TMEM255B: variants seen among roughly 807,000 people sequenced by gnomAD.
The protein encoded by TMEM255B is family with sequence similarity 70, member B.
In TMEM255B, 35 loss-of-function variants were observed where a neutral mutation model predicts 34.5. The ratio of observed to expected loss-of-function variants is 1.01; its 90% confidence interval spans 0.77 to 1.34. The LOEUF (loss-of-function observed/expected upper bound fraction) is 1.34. TMEM255B is among the 40% of genes most tolerant of loss of function. The pLI, the probability that TMEM255B is intolerant of heterozygous loss-of-function variation, is 0.00. For synonymous variants in TMEM255B, 206 were observed against 201.2 expected (o/e 1.02, Z -0.20); for missense variants, 432 against 433.2 (o/e 1.00, Z 0.02).
At chr13:113,782,082 C>T (rs1168633581) in intron 3 of TMEM255B, among the ~76,000 whole-genome samples, 3 of 152,144 alleles carry the variant, frequency 2.0e-5, no homozygotes, top group Admixed American at 2.0e-4. Context: ...TAATATTTGA[C>T]CTGCATAATT....
At position 113,770,019 on chromosome 13, in the gene TMEM255B, G is replaced by A. The variant is rs2050452464; in HGVS notation, c.252+859G>A. On this transcript the variant is annotated intron_variant, in intron 3 of 8. Coordinates refer to ENST00000375353, the MANE Select transcript of TMEM255B (RefSeq NM_182614.4). The surrounding 1 kb of genome is among the most constrained non-coding windows in gnomAD (Gnocchi z 4.6). Reference sequence around the variant, plus strand: ...CCCAGTTCCCAGGCCGAGAGGGAGGGTGAGATGGCTGGGCCGCGGTGTATG... The same window carrying A: ...CCCAGTTCCCAGGCCGAGAGGGAGGATGAGATGGCTGGGCCGCGGTGTATG... Among the ~76,000 whole-genome samples the A allele has an allele frequency of 6.6e-6, 1 of 152,152 alleles. No individual in the cohort carries two copies. The highest frequency in any genetic ancestry group is 2.4e-5 in the African/African-American group (1 of 41,440).
intron 5 of TMEM255B, chr13:113,800,074 G>A: frequency 4.2e-6 from 5 of 1,191,950 alleles, no homozygotes; most frequent in Non-Finnish European, 5.3e-6. Flanking sequence ...GTGTGTGTGT[G>A]TGTGTTTATG....
At chr13:113,764,561 G>A (rs2050358720) in intron 1 of TMEM255B, among the ~76,000 whole-genome samples, 1 of 152,192 alleles carries the variant, frequency 6.6e-6, no homozygotes, top group African/African-American at 2.4e-5. Context: ...CCCTCTGCCC[G>A]CTGCCTGTGG....
At chr13:113,800,299 C>CTGTGTG (rs1491395254) in intron 5 of TMEM255B, among the ~76,000 whole-genome samples, 8 of 62,716 alleles carry the variant, frequency 1.3e-4, no homozygotes, top group African/African-American at 5.5e-4. Context: ...GGGAGGCGTC[C>CTGTGTG]TCTGTGTGTG....
rs555291181 is a variant in TMEM255B at position 113,801,463 on chromosome 13, G to A, written c.510-190G>A. 2.0e-5 allele frequency among the ~76,000 whole-genome samples: 3 copies of A among 152,346 alleles called. No homozygotes were observed. The South Asian group carries it at 6.2e-4, about 32-fold the overall frequency. ...CTTTGCCACTGTGGGCCCCAGGTGG[G>A]GAGCCTCACAGGCCAATCCCATCAG... On this transcript the variant is annotated intron_variant, in intron 6 of 8. Transcript: ENST00000375353.
intron 3 of TMEM255B, among the ~76,000 whole-genome samples, chr13:113,793,839 C>T (rs112108259): frequency 0.038 from 5,782 of 152,276 alleles, 324 homozygotes; most frequent in African/African-American, 0.12. Context: ...GGACCCCCAG[C>T]GGGCCTGTGG....
At chr13:113,763,369 C>T (rs1242621647) in intron 1 of TMEM255B, among the ~76,000 whole-genome samples, 1 of 152,196 alleles carries the variant, frequency 6.6e-6, no homozygotes, top group Non-Finnish European at 1.5e-5. Context: ...AACGGAGTTT[C>T]ACCCACGGGA....
intron 3 of TMEM255B, among the ~76,000 whole-genome samples, chr13:113,782,029 A>T (rs921769132): frequency 6.6e-6 from 1 of 152,232 alleles, no homozygotes; most frequent in Non-Finnish European, 1.5e-5. Context: ...AACAATTTTT[A>T]AGTCAAAGAA....
intron 4 of TMEM255B, 87 bp downstream of exon 4, chr13:113,795,324 C>G: frequency 7.2e-7 from 1 of 1,387,378 alleles, no homozygotes; most frequent in Non-Finnish European, 9.9e-7. Flanking sequence ...TTGCAGATCT[C>G]AGCTCAGACG....
Position 113,769,560 on chromosome 13 carries a change from C to T in TMEM255B, c.252+400C>T, listed in dbSNP as rs371010008. Reference sequence around the variant, plus strand: ...CCAGTGGCTCTAGAGTCTTGTTTTTCGTCTGAGTTTGGTTAATGTTTATCT... The same window carrying T: ...CCAGTGGCTCTAGAGTCTTGTTTTTTGTCTGAGTTTGGTTAATGTTTATCT... On this transcript the variant is annotated intron_variant, in intron 3 of 8. Transcript: ENST00000375353. This position sits in a 1 kb window ranked among gnomAD's most constrained non-coding sequence, Gnocchi z 4.2. 122 of 184,844 alleles carry T rather than the reference C, an allele frequency of 6.6e-4. 4 individuals carry two copies. In the South Asian group the frequency reaches 0.015, roughly 22 times the overall value. The allele number at this position is 184,844 out of a possible 1,614,324, so 11.5% of individuals were successfully genotyped here. A position where few individuals can be genotyped will look rare whatever the true frequency, so the allele number is the denominator to read the frequency against.
At chr13:113,759,398 GC>G in intron 1 of TMEM255B, 83 bp downstream of exon 1, 1 of 1,189,652 alleles carries the variant, frequency 8.4e-7, no homozygotes, top group Non-Finnish European at 1.1e-6. Context: ...TCCCCGGCCG[GC>G]CCGGGCGGAA....
intron 1 of TMEM255B, chr13:113,761,332 C>G (rs1192444387): frequency 2.0e-6 from 2 of 985,226 alleles, no homozygotes; most frequent in Non-Finnish European, 2.4e-6. Context: ...GACCTCCAGC[C>G]TCGCGTGTCT....
intron 1 of TMEM255B, among the ~76,000 whole-genome samples, chr13:113,762,251 T>A (rs2050321253): frequency 6.6e-6 from 1 of 152,208 alleles, no homozygotes; most frequent in Admixed American, 6.5e-5. Flanking sequence ...TGAGTTTATT[T>A]TTTTTCTCAT....
rs2050446657 is a variant in TMEM255B at position 113,769,683 on chromosome 13, A to G, written c.252+523A>G. The G allele has an allele frequency of 6.5e-6, 1 of 154,790 alleles. No homozygotes were observed. Among genetic ancestry groups the G allele is most frequent in the South Asian group, 1.7e-4 (1 of 5,784 alleles). The allele number at this position is 154,790 out of a possible 1,614,324, so 9.6% of individuals were successfully genotyped here. On this transcript the variant is annotated intron_variant, in intron 3 of 8. Transcript: ENST00000375353. This position sits in a 1 kb window ranked among gnomAD's most constrained non-coding sequence, Gnocchi z 4.2. ...AGTGAAATCCAGACACTGCCTGTCC[A>G]TGATGTTCGTGGCTGTATGCGCGGC... is the stretch of plus-strand genomic sequence containing the variant.
chr13:113,800,816 C>G lies in TMEM255B; in HGVS notation c.424-11C>G, dbSNP rs1300703957. 1 of 1,600,802 alleles carries G rather than the reference C, an allele frequency of 6.2e-7. No individual in the cohort carries two copies. Among genetic ancestry groups the G allele is most frequent in the South Asian group, 1.1e-5 (1 of 88,694 alleles). ...ACCGGCATGTGACCTGACAAGGCCT[C>G]TCTGCCCCAGGTCACCTGTCACTCC... On this transcript the variant is annotated splice_polypyrimidine_tract_variant and intron_variant, in intron 5 of 8. Transcript: ENST00000375353.
intron 3 of TMEM255B, among the ~76,000 whole-genome samples, chr13:113,775,129 T>C (rs553108891): frequency 7.0e-6 from 1 of 142,606 alleles, no homozygotes; most frequent in African/African-American, 2.7e-5. Context: ...CACAATACAC[T>C]ACACACACCA....
At chr13:113,795,827 CCACACAA>C (rs2050917402) in intron 4 of TMEM255B, among the ~76,000 whole-genome samples, 1 of 134,790 alleles carries the variant, frequency 7.4e-6, no homozygotes, top group South Asian at 2.5e-4. Context: ...ATAGCACACA[CCACACAA>C]CACACAGAGC....
At chr13:113,811,091 C>T (rs556643908) in intron 8 of TMEM255B, among the ~76,000 whole-genome samples, 28 of 152,110 alleles carry the variant, frequency 1.8e-4, no homozygotes, top group African/African-American at 6.5e-4. Flanking sequence ...CCCGGCCACC[C>T]TCTCCTGTTC....
At chr13:113,768,152 ACACT>A in intron 2 of TMEM255B, 2 of 466,928 alleles carry the variant, frequency 4.3e-6, no homozygotes, top group South Asian at 1.6e-5. Flanking sequence ...CTTCCAACAG[ACACT>A]CACTGGGAAG....
Sources: gnomAD v4.1 joint callset for allele counts (sites outside exome capture counted in the v4.1 genomes callset) on GRCh38, gnomAD v4.1.1 for gene constraint, Gnocchi (gnomAD v3.1) non-coding constraint, MANE v1.5 for transcripts, NCBI Gene and HGNC (gene_info 2026-07-23, HGNC 2026-07-21) for gene names.